The following PEDS1 variants were observed in gnomAD, a reference collection of about 807,000 sequenced individuals.
PEDS1 encodes plasmanylethanolamine desaturase 1, also known as CarF homolog.
In PEDS1, 14 loss-of-function variants were observed where a neutral mutation model predicts 35.2. The ratio of observed to expected loss-of-function variants is 0.40; its 90% CI spans 0.26 to 0.62. PEDS1 has a LOEUF of 0.62. Ranked by LOEUF, PEDS1 falls within the 20% of genes least tolerant of loss-of-function variation. The pLI is 0.44. For missense variants in PEDS1, 260 were observed against 367.8 expected, an observed-to-expected ratio of 0.71 and a Z score of 2.40; for synonymous variants, 152 against 152.0, an observed-to-expected ratio of 1.00 and a Z score of 0.00.
chr20:50,151,786 G>A (rs2081406947), intron 1 of PEDS1, among the ~76,000 whole-genome samples: 1 of 152,154 alleles, frequency 6.6e-6, no homozygotes, highest in African/African-American at 2.4e-5. Flanking sequence ...GTGAACCCGG[G>A]AGGAGGAGCT....
rs2081426212 is a variant in PEDS1, at chr20:50,153,408, C to A, written c.121+109G>T. The A allele has an allele frequency of 1.8e-5, 22 of 1,230,148 alleles. No individual in the cohort carries two copies. In the East Asian group the frequency reaches 6.8e-4, roughly 38 times the overall value. The allele number at this position is 1,230,148 out of a possible 1,614,324, so 76.2% of individuals were successfully genotyped here. A position where few individuals can be genotyped will look rare whatever the true frequency, so the allele number is the denominator to read the frequency against. On this transcript the variant is annotated intron_variant, in intron 1 of 5. Transcript: ENST00000371652. ...AACTTGCTATTTGCAAGTTAGACAC[C>A]CGGGCTGGAGTTCCGCATCTGGGCC... is the stretch of plus-strand genomic sequence containing the variant.
chr20:50,125,606 T>C (rs781033803), intron 5 of PEDS1, among the ~76,000 whole-genome samples: 95 of 151,938 alleles, frequency 6.3e-4, no homozygotes, highest in Non-Finnish European at 1.1e-3. Flanking sequence ...TATCTATCTA[T>C]TTATTTGAGA....
chr20:50,130,821 C>A, intron 3 of PEDS1, 35 bp downstream of exon 3: 1 of 1,613,056 alleles, frequency 6.2e-7, no homozygotes, highest in Non-Finnish European at 8.5e-7. Flanking sequence ...AGCCCAACCT[C>A]CTTCTTGAGG....
At chr20:50,127,340 GTTTTT>G (rs11471254) in intron 5 of PEDS1, among the ~76,000 whole-genome samples, 12 of 87,194 alleles carry the variant, frequency 1.4e-4, no homozygotes, top group South Asian at 7.5e-4. Flanking sequence ...GTGTTTTCTG[GTTTTT>G]TTTTTTTTTT....
chr20:50,133,017 T>C (rs187882998), intron 2 of PEDS1, among the ~76,000 whole-genome samples: 2 of 152,264 alleles, frequency 1.3e-5, no homozygotes, highest in African/African-American at 2.4e-5. Flanking sequence ...ACTCGGTTTG[T>C]CTGTGTCAAC....
In PEDS1 at chr20:50,129,433, A is replaced by G; in HGVS notation, c.478+113T>C. 1 of 1,431,048 alleles carries G rather than the reference A, an allele frequency of 7.0e-7. No individual in the cohort carries two copies. The highest frequency in any genetic ancestry group is 1.4e-5 in the South Asian group (1 of 70,292). 88.6% of individuals were successfully genotyped at this position (1,431,048 alleles called of 1,614,324 possible). Reference sequence around the variant, plus strand: ...GATTTTACATGAAGACAATGAATGAAAACTCTTTTAAAATACCATAAGGAG... The same window carrying G: ...GATTTTACATGAAGACAATGAATGAGAACTCTTTTAAAATACCATAAGGAG... On this transcript the variant is annotated intron_variant, in intron 4 of 5. Transcript: ENST00000371652. The surrounding 1 kb of genome is among the most constrained non-coding windows in gnomAD (Gnocchi z 4.2).
intron 2 of PEDS1, among the ~76,000 whole-genome samples, chr20:50,136,713 ACT>A (rs1491327156): frequency 1.0e-5 from 1 of 99,804 alleles, no homozygotes; most frequent in African/African-American, 4.4e-5. Flanking sequence ...ACAGAGTGAG[ACT>A]CTGCCTCAAA....
Position 50,124,034 on chromosome 20 carries a change from T to C in PEDS1, c.*1024A>G, listed in dbSNP as rs1161265247. 6.6e-6 allele frequency: 1 copy of C among 152,552 alleles called. No individual in the cohort carries two copies. Among genetic ancestry groups the C allele is most frequent in the Admixed American group, 6.5e-5 (1 of 15,280 alleles). The allele number at this position is 152,552 out of a possible 1,614,324, so 9.4% of individuals were successfully genotyped here. A position where few individuals can be genotyped will look rare whatever the true frequency, so the allele number is the denominator to read the frequency against. ...AGCAGATGTCAACATTAATTCACTG[T>C]CTCAGGTGACAGCTCTCATCCTGAG... is the stretch of plus-strand genomic sequence containing the variant. On this transcript the variant is annotated 3_prime_UTR_variant, in exon 6 of 6. Coordinates refer to ENST00000371652, the MANE Select transcript of PEDS1 (RefSeq NM_199129.4).
chr20:50,134,370 A>G (rs1469677291), intron 2 of PEDS1, among the ~76,000 whole-genome samples: 2 of 152,174 alleles, frequency 1.3e-5, no homozygotes, highest in East Asian at 3.9e-4. Flanking sequence ...ACATGGTGAA[A>G]CCTTGTCTCT....
chr20:50,131,686 C>T (rs915179178), intron 2 of PEDS1, among the ~76,000 whole-genome samples: 4 of 151,514 alleles, frequency 2.6e-5, no homozygotes, highest in Admixed American at 6.6e-5. Flanking sequence ...CCCACCCCTC[C>T]AGCTTTTATC....
chr20:50,128,313 A>G lies in PEDS1; in HGVS notation c.479-126T>C. 8.1e-7 allele frequency: 1 copy of G among 1,227,354 alleles called. No individual in the cohort carries two copies. The highest frequency in any genetic ancestry group is 2.5e-5 in the East Asian group (1 of 39,288). The allele number at this position is 1,227,354 out of a possible 1,614,324, so 76.0% of individuals were successfully genotyped here. A position where few individuals can be genotyped will look rare whatever the true frequency, so the allele number is the denominator to read the frequency against. On this transcript the variant is annotated intron_variant, in intron 4 of 5. Coordinates refer to ENST00000371652, the MANE Select transcript of PEDS1 (RefSeq NM_199129.4). The surrounding 1 kb of genome is among the most constrained non-coding windows in gnomAD (Gnocchi z 5.2). ...GGGCAAGCACCCAGGATTCTCTTCC[A>G]CCCCCTGCAGGGCCGCAGGCAAGCT...
In PEDS1 at chr20:50,129,306, C is replaced by T. The variant is rs907432504; in HGVS notation, c.478+240G>A. ...CCTGTCAAAGGCAGTGGCTGCAGCT[C>T]AGCTCCCACCCAGTGAGGCCAGGTG... On this transcript the variant is annotated intron_variant, in intron 4 of 5. Coordinates refer to ENST00000371652, the MANE Select transcript of PEDS1 (RefSeq NM_199129.4). This position sits in a 1 kb window ranked among gnomAD's most constrained non-coding sequence, Gnocchi z 4.2. Among the ~76,000 whole-genome samples, 1 of 152,176 alleles carries T rather than the reference C, an allele frequency of 6.6e-6. No individual in the cohort carries two copies. Among genetic ancestry groups the T allele is most frequent in the Non-Finnish European group, 1.5e-5 (1 of 68,026 alleles).
chr20:50,133,395 G>A (rs959174898), intron 2 of PEDS1, among the ~76,000 whole-genome samples: 2 of 152,150 alleles, frequency 1.3e-5, no homozygotes, highest in Non-Finnish European at 2.9e-5. Flanking sequence ...ACACCTCCTG[G>A]CACACAGACG....
At chr20:50,137,104 G>C (rs2081244428) in intron 2 of PEDS1, among the ~76,000 whole-genome samples, 1 of 152,100 alleles carries the variant, frequency 6.6e-6, no homozygotes, top group Non-Finnish European at 1.5e-5. Flanking sequence ...CTCCCACTGT[G>C]GCCCAGACTG....
chr20:50,135,644 G>T (rs1417129642), intron 2 of PEDS1, among the ~76,000 whole-genome samples: 1 of 92,712 alleles, frequency 1.1e-5, no homozygotes, highest in African/African-American at 4.6e-5. Context: ...GGCAACAAGA[G>T]CAAAACTCCA....
chr20:50,143,734 A>G lies in PEDS1; in HGVS notation c.122-113T>C. 4.7e-5 allele frequency: 68 copies of G among 1,461,636 alleles called. No individual in the cohort carries two copies. The African/African-American group carries it at 8.4e-4, about 18-fold the overall frequency. The allele number at this position is 1,461,636 out of a possible 1,614,324, so 90.5% of individuals were successfully genotyped here. On this transcript the variant is annotated intron_variant, in intron 1 of 5. Coordinates refer to ENST00000371652, the MANE Select transcript of PEDS1 (RefSeq NM_199129.4). Reference sequence around the variant, plus strand: ...TTTTTCTGAGACAGAGTCTCACTCTATCACCCAGGCTGGAGTGCAGTGGTG... The same window carrying G: ...TTTTTCTGAGACAGAGTCTCACTCTGTCACCCAGGCTGGAGTGCAGTGGTG...
rs1011432490 is a variant in PEDS1, at chr20:50,124,546, C to A, written c.*512G>T. The A allele has an allele frequency of 6.4e-6, 1 of 155,432 alleles. No individual in the cohort carries two copies. Among genetic ancestry groups the A allele is most frequent in the African/African-American group, 2.4e-5 (1 of 41,506 alleles). The allele number at this position is 155,432 out of a possible 1,614,324, so 9.6% of individuals were successfully genotyped here. On this transcript the variant is annotated 3_prime_UTR_variant, in exon 6 of 6. Coordinates refer to ENST00000371652, the MANE Select transcript of PEDS1 (RefSeq NM_199129.4). ...CAGACCCCTGCTGAGCTTCACCATC[C>A]TTGGGGGACAGGCTAGGCTGAAGGT...
At chr20:50,144,580 C>T (rs1455545269) in intron 1 of PEDS1, among the ~76,000 whole-genome samples, 1 of 152,216 alleles carries the variant, frequency 6.6e-6, no homozygotes, top group African/African-American at 2.4e-5. Context: ...TTTTCACAGA[C>T]ACACGAGCCC....
chr20:50,151,617 T>G (rs575971409), intron 1 of PEDS1, among the ~76,000 whole-genome samples: 1 of 152,140 alleles, frequency 6.6e-6, no homozygotes, highest in African/African-American at 2.4e-5. Flanking sequence ...CCCAGCACTG[T>G]GGGAGGCCGA....
Sources: gnomAD v4.1 joint callset for allele counts (sites outside exome capture counted in the v4.1 genomes callset) on GRCh38, gnomAD v4.1.1 for gene constraint, Gnocchi (gnomAD v3.1) non-coding constraint, MANE v1.5 for transcripts, NCBI Gene and HGNC (gene_info 2026-07-23, HGNC 2026-07-21) for gene names.